Variants in PCDH15 observed in about 807,000 individuals in gnomAD.
PCDH15 encodes protocadherin related 15.
In PCDH15, 129 loss-of-function variants were observed where a neutral mutation model predicts 178.5. That is an observed-to-expected ratio of 0.72 (90% CI 0.63 to 0.84). The LOEUF (loss-of-function observed/expected upper bound fraction) is 0.84, where lower values mean the gene tolerates loss of function less well. PCDH15 is among the 40% of genes least tolerant of loss of function. The pLI, the probability that PCDH15 is intolerant of heterozygous loss-of-function variation, is 0.00. For missense variants in PCDH15, 2,230 were observed against 2,099.9 expected (o/e 1.06, Z -1.21); for synonymous variants, 800 against 732.0 (o/e 1.09, Z -1.50).
At chr10:54,766,567 C>G (rs1948535024) in intron 1 of PCDH15, among the ~76,000 whole-genome samples, 1 of 151,782 alleles carries the variant, frequency 6.6e-6, no homozygotes, top group African/African-American at 2.4e-5. Context: ...GAGTTCCTTT[C>G]TCTAAATGTA....
At chr10:53,946,700 G>A (rs779118106) in intron 23 of PCDH15, among the ~76,000 whole-genome samples, 8 of 152,132 alleles carry the variant, frequency 5.3e-5, no homozygotes, top group South Asian at 2.1e-4. Flanking sequence ...AATGCAAACC[G>A]AAAAAGTTAA....
chr10:54,539,447 C>G (rs1406833158), intron 2 of PCDH15, among the ~76,000 whole-genome samples: 1 of 152,182 alleles, frequency 6.6e-6, no homozygotes, highest in African/African-American at 2.4e-5. Context: ...TAACTATATA[C>G]ATATGCAATA....
chr10:54,494,036 T>C (rs1467256349), intron 3 of PCDH15, among the ~76,000 whole-genome samples: 4 of 130,686 alleles, frequency 3.1e-5, no homozygotes, highest in Non-Finnish European at 4.6e-5. Context: ...AATTGAACAA[T>C]GAGAACACAT....
At chr10:55,381,635 C>T (rs757816856) in intron 2 of PCDH15, among the ~76,000 whole-genome samples, 7 of 151,934 alleles carry the variant, frequency 4.6e-5, no homozygotes, top group Non-Finnish European at 7.4e-5. Context: ...TGACTGAAGG[C>T]ACTGAGAGCT....
intron 27 of PCDH15, among the ~76,000 whole-genome samples, chr10:53,859,498 C>CT (rs2078966032): frequency 6.6e-6 from 1 of 152,070 alleles, no homozygotes; most frequent in Non-Finnish European, 1.5e-5. Context: ...TAAGCATGTG[C>CT]TTCAACCCAC....
At chr10:54,090,090 A>T in intron 15 of PCDH15, 27 bp from the exon 16 acceptor site, 1 of 1,549,644 alleles carries the variant, frequency 6.5e-7, no homozygotes, top group Non-Finnish European at 8.9e-7. Context: ...TAATTCAATT[A>T]TCAAGTAATT....
chr10:55,548,488 G>T (rs1841938500), intron 2 of PCDH15, among the ~76,000 whole-genome samples: 1 of 152,080 alleles, frequency 6.6e-6, no homozygotes, highest in African/African-American at 2.4e-5. Flanking sequence ...ATGTAAATCT[G>T]AAAGGTCACT....
At chr10:54,536,393 T>TAATATTTC (rs1491174488) in intron 2 of PCDH15, among the ~76,000 whole-genome samples, 3 of 149,698 alleles carry the variant, frequency 2.0e-5, no homozygotes, top group Admixed American at 6.7e-5. Flanking sequence ...TTTTTTTTTT[T>TAATATTTC]AATATTTCAG....
At chr10:53,881,115 C>T (rs1317295592) in intron 26 of PCDH15, among the ~76,000 whole-genome samples, 1 of 152,144 alleles carries the variant, frequency 6.6e-6, no homozygotes, top group Non-Finnish European at 1.5e-5. Context: ...TACAAGTTTG[C>T]TAAAAAGAAA....
intron 2 of PCDH15, among the ~76,000 whole-genome samples, chr10:55,350,228 CATATATATATATATATATATATATAT>C (rs869240598): frequency 3.9e-4 from 29 of 73,442 alleles, no homozygotes; most frequent in Admixed American, 3.1e-3. Flanking sequence ...TATATAAACT[CATATATATATATATATATATATATAT>C]ATATATATAT....
At chr10:54,339,276 G>C (rs1403551184) in intron 6 of PCDH15, among the ~76,000 whole-genome samples, 2 of 152,040 alleles carry the variant, frequency 1.3e-5, no homozygotes, top group Non-Finnish European at 2.9e-5. Flanking sequence ...GTGTGGCTCA[G>C]GGAAGCCAAA....
chr10:54,330,478 A>G (rs1440492445), intron 6 of PCDH15, among the ~76,000 whole-genome samples: 1 of 151,902 alleles, frequency 6.6e-6, no homozygotes, highest in Non-Finnish European at 1.5e-5. Context: ...TGAGACCACC[A>G]TTTGCTATGT....
intron 2 of PCDH15, among the ~76,000 whole-genome samples, chr10:54,998,398 A>C (rs375408823): frequency 1.3e-5 from 2 of 152,092 alleles, no homozygotes; most frequent in East Asian, 1.9e-4. Context: ...ATAATAATAA[A>C]AAAAAGAAAA....
At chr10:54,340,046 C>G (rs917984396) in intron 6 of PCDH15, among the ~76,000 whole-genome samples, 1 of 152,074 alleles carries the variant, frequency 6.6e-6, no homozygotes. Flanking sequence ...TGAATAAGGT[C>G]TTTCTTACCA....
intron 2 of PCDH15, among the ~76,000 whole-genome samples, chr10:54,979,742 T>C (rs901928205): frequency 1.1e-4 from 17 of 151,332 alleles, no homozygotes; most frequent in Non-Finnish European, 2.2e-4. Context: ...GATACATATA[T>C]ACAATGAAAT....
chr10:54,102,289 A>G (rs940605929), intron 15 of PCDH15, among the ~76,000 whole-genome samples: 1 of 152,158 alleles, frequency 6.6e-6, no homozygotes, highest in Non-Finnish European at 1.5e-5. Context: ...ACCCCCAGCA[A>G]TGTGCTGCAG....
At chr10:55,150,712 GATATATAAAT>G (rs1838685546) in intron 2 of PCDH15, among the ~76,000 whole-genome samples, 1 of 152,040 alleles carries the variant, frequency 6.6e-6, no homozygotes, top group East Asian at 1.9e-4. Flanking sequence ...TGACGGTAGA[GATATATAAAT>G]TACAATTAAA....
chr10:54,826,207 T>C (rs889518252), intron 3 of PCDH15, among the ~76,000 whole-genome samples: 1 of 151,996 alleles, frequency 6.6e-6, no homozygotes, highest in Non-Finnish European at 1.5e-5. Context: ...AATTTTCTTA[T>C]GAGGGAGTCA....
chr10:54,054,365 T>G (rs1468745334), intron 18 of PCDH15, among the ~76,000 whole-genome samples: 1 of 152,072 alleles, frequency 6.6e-6, no homozygotes, highest in East Asian at 1.9e-4. Flanking sequence ...TTAGATGTGC[T>G]TAAACATGAA....
Sources: allele counts gnomAD v4.1 joint callset (sites outside exome capture counted in the v4.1 genomes callset), GRCh38; gene constraint gnomAD v4.1.1; transcripts MANE v1.5; gene names NCBI Gene and HGNC (gene_info 2026-07-23, HGNC 2026-07-21).